Variants in ARHGDIB observed in about 807,000 individuals in gnomAD.
ARHGDIB encodes Rho GDP dissociation inhibitor beta.
In ARHGDIB, 20 loss-of-function variants were observed where a neutral mutation model predicts 22.6. The observed-to-expected ratio is 0.88, with a 90% confidence interval of 0.62 to 1.28. The LOEUF (loss-of-function observed/expected upper bound fraction) is 1.28. Among genes scored for constraint, ARHGDIB ranks in the 50% most tolerant of loss-of-function variants. The pLI is 0.00. For synonymous variants in ARHGDIB, 114 were observed against 96.1 expected (o/e 1.19, Z -1.09); for missense variants, 254 against 245.4 (o/e 1.04, Z -0.23).
intron 1 of ARHGDIB, 83 bp from the exon 2 acceptor site, chr12:14,950,807 A>G: frequency 9.3e-7 from 1 of 1,069,674 alleles, no homozygotes; most frequent in South Asian, 1.7e-5. Flanking sequence ...CAGCCTCCTT[A>G]CCCTCATGGA....
chr12:14,947,677 C>T, intron 4 of ARHGDIB, 196 bp downstream of exon 4: 1 of 561,214 alleles, frequency 1.8e-6, no homozygotes, highest in Non-Finnish European at 3.2e-6. Context: ...GAAGTCCTGG[C>T]TAGGAAAAGA....
In ARHGDIB at chr12:14,952,277, C is replaced by CAAAAAAA. The variant is rs3084566; in HGVS notation, c.-12-1560_-12-1554dup. 1.3e-3 allele frequency among the ~76,000 whole-genome samples: 164 copies of CAAAAAAA among 127,280 alleles called. No individual in the cohort carries two copies. The Middle Eastern group carries it at 0.013, about 10-fold the overall frequency. The allele number at this position is 127,280 out of a possible 152,430, so 83.5% of individuals were successfully genotyped here. A position where few individuals can be genotyped will look rare whatever the true frequency, so the allele number is the denominator to read the frequency against. On this transcript the variant is annotated intron_variant, in intron 1 of 5. Coordinates refer to ENST00000228945, the MANE Select transcript of ARHGDIB (RefSeq NM_001175.7). ...CAAATGAGAGCAATTTTAATGGAAC[C>CAAAAAAA]AAAAAAAAAAAAAAAAAGAGAAACA...
intron 1 of ARHGDIB, among the ~76,000 whole-genome samples, chr12:14,960,845 G>A (rs1445800814): frequency 6.6e-6 from 1 of 152,140 alleles, no homozygotes; most frequent in Admixed American, 6.5e-5. Flanking sequence ...CTGCCCATCC[G>A]ACTGCAGGAA....
intron 1 of ARHGDIB, among the ~76,000 whole-genome samples, chr12:14,953,284 A>G (rs997819908): frequency 6.6e-6 from 1 of 152,226 alleles, no homozygotes; most frequent in African/African-American, 2.4e-5. Flanking sequence ...TAATTATAGC[A>G]TAAGAAAAAG....
chr12:14,951,983 G>A (rs186214320), intron 1 of ARHGDIB, among the ~76,000 whole-genome samples: 6 of 152,190 alleles, frequency 3.9e-5, no homozygotes, highest in Admixed American at 1.3e-4. Flanking sequence ...GATGGCTGCC[G>A]GGGAGATATT....
At chr12:14,952,066 A>G (rs1247228098) in intron 1 of ARHGDIB, among the ~76,000 whole-genome samples, 1 of 152,200 alleles carries the variant, frequency 6.6e-6, no homozygotes, top group Non-Finnish European at 1.5e-5. Flanking sequence ...CTGTGGTTAA[A>G]GCCTTCATTG....
chr12:14,957,492 T>C (rs1467599600), intron 1 of ARHGDIB, among the ~76,000 whole-genome samples: 1 of 152,216 alleles, frequency 6.6e-6, no homozygotes, highest in Non-Finnish European at 1.5e-5. Context: ...GATAAGAAGT[T>C]CTGGGGAATT....
At chr12:14,960,240 G>A (rs1864383607) in intron 1 of ARHGDIB, among the ~76,000 whole-genome samples, 1 of 152,196 alleles carries the variant, frequency 6.6e-6, no homozygotes, top group South Asian at 2.1e-4. Flanking sequence ...AGTTACCATA[G>A]GTCTAGAGTT....
At chr12:14,943,377 G>GT (rs10713403) in intron 5 of ARHGDIB, among the ~76,000 whole-genome samples, 9,425 of 143,692 alleles carry the variant, frequency 0.066, 491 homozygotes, top group Admixed American at 0.18. Context: ...GATTAAGCCT[G>GT]TTTTTTTTTT....
intron 5 of ARHGDIB, 109 bp downstream of exon 5, chr12:14,944,666 GC>G: frequency 9.5e-7 from 1 of 1,052,812 alleles, no homozygotes; most frequent in Admixed American, 2.3e-5. Context: ...GGCATCCACA[GC>G]TTTTATTGTA....
intron 1 of ARHGDIB, among the ~76,000 whole-genome samples, chr12:14,954,139 G>A (rs146938650): frequency 6.6e-6 from 1 of 152,014 alleles, no homozygotes; most frequent in Admixed American, 6.6e-5. Context: ...CCACCTGCCT[G>A]GCTAATTTTT....
At chr12:14,956,726 C>T (rs1010389520) in intron 1 of ARHGDIB, among the ~76,000 whole-genome samples, 3 of 152,176 alleles carry the variant, frequency 2.0e-5, no homozygotes, top group South Asian at 2.1e-4. Flanking sequence ...TTCACAGATG[C>T]GCATACAGAT....
chr12:14,950,716 G>A lies in ARHGDIB; in HGVS notation c.-4C>T, dbSNP rs1864153115. The A allele has an allele frequency of 6.2e-7, 1 of 1,601,488 alleles. No individual in the cohort carries two copies. Among genetic ancestry groups the A allele is most frequent in the Non-Finnish European group, 8.5e-7 (1 of 1,175,572 alleles). On this transcript the variant is annotated 5_prime_UTR_variant, in exon 2 of 6. Coordinates refer to ENST00000228945, the MANE Select transcript of ARHGDIB (RefSeq NM_001175.7). ...GCTCTGGGGCTTTTTCAGTCATTCT[G>A]ATCTATTTCTGGGAGACAGAATGAC...
chr12:14,951,966 C>A (rs1823115249), intron 1 of ARHGDIB, among the ~76,000 whole-genome samples: 1 of 152,016 alleles, frequency 6.6e-6, no homozygotes, highest in African/African-American at 2.4e-5. Flanking sequence ...GGCTGACAGC[C>A]ACATGAGATG....
rs11056249 is a variant in ARHGDIB at position 14,942,394 on chromosome 12, T to C, written c.*128A>G. 7.6e-4 allele frequency: 777 copies of C among 1,019,448 alleles called. 9 individuals are homozygous for C. The East Asian group carries it at 0.018, about 23-fold the overall frequency. The allele number at this position is 1,019,448 out of a possible 1,614,324, so 63.2% of individuals were successfully genotyped here. On this transcript the variant is annotated 3_prime_UTR_variant, in exon 6 of 6. Transcript: ENST00000228945. ...CGTTGAGTGACAGGGTGGGAAAAGA[T>C]GCATCAATAAGGAAATGTGGCAGTG...
intron 1 of ARHGDIB, among the ~76,000 whole-genome samples, chr12:14,958,935 G>T (rs1448771705): frequency 6.6e-6 from 1 of 152,164 alleles, no homozygotes; most frequent in Non-Finnish European, 1.5e-5. Context: ...TTGAATACAG[G>T]ATCCCGGGCA....
At chr12:14,954,064 TG>T (rs1417900184) in intron 1 of ARHGDIB, among the ~76,000 whole-genome samples, 1 of 152,072 alleles carries the variant, frequency 6.6e-6, no homozygotes. Flanking sequence ...CTACAACCTC[TG>T]CCTCCTGGAC....
chr12:14,947,266 T>G (rs1323209845), intron 4 of ARHGDIB, among the ~76,000 whole-genome samples: 1 of 152,224 alleles, frequency 6.6e-6, no homozygotes, highest in East Asian at 1.9e-4. Context: ...CATTGGGATA[T>G]ATTAGATGTC....
At chr12:14,945,205 C>CTT (rs1265823780) in intron 4 of ARHGDIB, among the ~76,000 whole-genome samples, 2 of 152,128 alleles carry the variant, frequency 1.3e-5, no homozygotes, top group Non-Finnish European at 2.9e-5. Flanking sequence ...AGAGACCATC[C>CTT]TTGTCTTAGG....
Sources: allele counts gnomAD v4.1 joint callset (sites outside exome capture counted in the v4.1 genomes callset), GRCh38; gene constraint gnomAD v4.1.1; transcripts MANE v1.5; gene names NCBI Gene and HGNC (gene_info 2026-07-23, HGNC 2026-07-21).